Variants in EHD3 observed in about 807,000 individuals in gnomAD.
EHD3 encodes the protein EH domain-containing protein 3.
A neutral mutation model predicts 43.0 loss-of-function variants in EHD3; 17 were observed. That is an observed-to-expected ratio of 0.40 (90% CI 0.27 to 0.59). EHD3 has a LOEUF of 0.59. Ranked by LOEUF, EHD3 falls within the 20% of genes least tolerant of loss-of-function variation. The pLI is 0.49. For missense variants in EHD3, 594 were observed against 705.6 expected, an observed-to-expected ratio of 0.84 and a Z score of 1.79; for synonymous variants, 313 against 289.5, an observed-to-expected ratio of 1.08 and a Z score of -0.82.
chr2:31,237,991 GT>G (rs989506268), intron 1 of EHD3, among the ~76,000 whole-genome samples: 1 of 151,442 alleles, frequency 6.6e-6, no homozygotes, highest in African/African-American at 2.4e-5. Context: ...GTGTGTGTGT[GT>G]TTTTTTTGTT....
chr2:31,250,407 C>T (rs1683613139), intron 3 of EHD3, among the ~76,000 whole-genome samples: 1 of 151,908 alleles, frequency 6.6e-6, no homozygotes, highest in Non-Finnish European at 1.5e-5. Flanking sequence ...GCTGGGATTA[C>T]AGGCGTGCAC....
At chr2:31,243,549 C>T (rs560619452) in intron 1 of EHD3, among the ~76,000 whole-genome samples, 7 of 149,160 alleles carry the variant, frequency 4.7e-5, no homozygotes, top group South Asian at 2.2e-4. Context: ...CTCTGCCTCC[C>T]GGGTTCAAAT....
intron 3 of EHD3, among the ~76,000 whole-genome samples, chr2:31,255,525 G>A (rs1012838390): frequency 6.6e-6 from 1 of 152,182 alleles, no homozygotes; most frequent in East Asian, 1.9e-4. Flanking sequence ...AAATGAGAAA[G>A]CTAATCCTAT....
intron 2 of EHD3, among the ~76,000 whole-genome samples, chr2:31,247,284 A>T (rs1683545992): frequency 6.6e-6 from 1 of 151,964 alleles, no homozygotes; most frequent in African/African-American, 2.4e-5. Flanking sequence ...GCCTTGCTGG[A>T]CCATGTTTTG....
chr2:31,235,239 A>G (rs1316158312), intron 1 of EHD3, among the ~76,000 whole-genome samples: 4 of 152,088 alleles, frequency 2.6e-5, no homozygotes, highest in African/African-American at 9.7e-5. Context: ...CACATCATTC[A>G]CGGGCAAAAC....
intron 5 of EHD3, among the ~76,000 whole-genome samples, chr2:31,265,256 A>C (rs369972824): frequency 3.3e-5 from 5 of 152,376 alleles, no homozygotes; most frequent in African/African-American, 1.2e-4. Flanking sequence ...TATTTACATA[A>C]ACCAGTAACA....
chr2:31,251,811 T>A (rs1683641206), intron 3 of EHD3, among the ~76,000 whole-genome samples: 1 of 151,956 alleles, frequency 6.6e-6, no homozygotes, highest in African/African-American at 2.4e-5. Context: ...ACAGCACGGG[T>A]GGTTTTTCTG....
At chr2:31,265,860 C>T (rs1427783869) in intron 5 of EHD3, among the ~76,000 whole-genome samples, 1 of 152,170 alleles carries the variant, frequency 6.6e-6, no homozygotes, top group Non-Finnish European at 1.5e-5. Context: ...GATTTCCTCT[C>T]TGGAATGACA....
At chr2:31,261,220 C>A (rs1683848538) in intron 4 of EHD3, among the ~76,000 whole-genome samples, 1 of 152,168 alleles carries the variant, frequency 6.6e-6, no homozygotes. Context: ...AATAAAGAGT[C>A]TCAAAGCCCT....
chr2:31,249,584 C>T, intron 3 of EHD3, 116 bp downstream of exon 3: 1 of 908,614 alleles, frequency 1.1e-6, no homozygotes, highest in East Asian at 2.6e-5. Context: ...TGAGCCGGCA[C>T]TTCTCCTGTG....
chr2:31,259,061 T>G (rs1683801449), intron 3 of EHD3, among the ~76,000 whole-genome samples: 2 of 152,130 alleles, frequency 1.3e-5, no homozygotes, highest in Admixed American at 1.3e-4. Context: ...AATGATTTGG[T>G]TTCCCATTCG....
intron 3 of EHD3, among the ~76,000 whole-genome samples, chr2:31,256,448 G>C (rs753401065): frequency 6.6e-5 from 10 of 152,146 alleles, no homozygotes; most frequent in Non-Finnish European, 1.3e-4. Context: ...TTTCACTTCC[G>C]TTCAGCAAAT....
intron 3 of EHD3, among the ~76,000 whole-genome samples, chr2:31,257,217 C>A (rs1683767530): frequency 6.6e-6 from 1 of 152,210 alleles, no homozygotes; most frequent in Non-Finnish European, 1.5e-5. Flanking sequence ...GCCCTCTGGC[C>A]CCTCCCTACC....
At chr2:31,250,487 C>T (rs1217506397) in intron 3 of EHD3, among the ~76,000 whole-genome samples, 1 of 152,074 alleles carries the variant, frequency 6.6e-6, no homozygotes, top group East Asian at 1.9e-4. Context: ...AGAATGGTCT[C>T]GATCTCCTGA....
Position 31,266,131 on chromosome 2 carries a change from T to G in EHD3, c.1081-46T>G, listed in dbSNP as rs769068487. ...GAGGCACGTGATAAATGGAGGGCTC[T>G]CCTTTCATCGTATCCTATCTTCATC... On this transcript the variant is annotated intron_variant, in intron 5 of 5. Coordinates refer to ENST00000322054, the MANE Select transcript of EHD3 (RefSeq NM_014600.3). This position sits in a 1 kb window ranked among gnomAD's most constrained non-coding sequence, Gnocchi z 5.1. 9 of 1,555,414 alleles carry G rather than the reference T, an allele frequency of 5.8e-6. No homozygotes were observed. In the South Asian group the frequency reaches 7.4e-5, roughly 13 times the overall value.
intron 3 of EHD3, among the ~76,000 whole-genome samples, chr2:31,252,910 CAA>C (rs1170186482): frequency 2.0e-5 from 3 of 152,278 alleles, no homozygotes; most frequent in South Asian, 4.1e-4. Context: ...GCGTTAAAAA[CAA>C]GAGCTAGAAC....
intron 3 of EHD3, 107 bp downstream of exon 3, chr2:31,249,575 GAGCCGGCA>G (rs1184385185): frequency 1.0e-6 from 1 of 983,030 alleles, no homozygotes; most frequent in African/African-American, 1.6e-5. Context: ...GTCCCTTGGT[GAGCCGGCA>G]CTTCTCCTGT....
At chr2:31,253,209 T>C (rs1400048438) in intron 3 of EHD3, among the ~76,000 whole-genome samples, 5 of 118,312 alleles carry the variant, frequency 4.2e-5, no homozygotes, top group African/African-American at 1.0e-4. Flanking sequence ...ATATCCTGCA[T>C]ATACACAACT....
rs1309146980 is a variant in EHD3 at position 31,243,460 on chromosome 2, CT to C, written c.228-801del. On this transcript the variant is annotated intron_variant, in intron 1 of 5. Coordinates refer to ENST00000322054, the MANE Select transcript of EHD3 (RefSeq NM_014600.3). ...TCTTTCTTTCTTTCTTTCTTTCTTTCTTTTTTTTTTTTTGAGACAGAGTTTC... is the reference window on the plus strand; with the variant it reads ...TCTTTCTTTCTTTCTTTCTTTCTTTCTTTTTTTTTTTTGAGACAGAGTTTC... Among the ~76,000 whole-genome samples, 41 of 98,464 alleles carry C rather than the reference CT, an allele frequency of 4.2e-4. 2 individuals carry two copies. The highest frequency in any genetic ancestry group is 1.1e-3 in the African/African-American group (24 of 21,832). 64.6% of individuals were successfully genotyped at this position (98,464 alleles called of 152,430 possible). A position where few individuals can be genotyped will look rare whatever the true frequency, so the allele number is the denominator to read the frequency against.
Sources: gnomAD v4.1 joint callset for allele counts (sites outside exome capture counted in the v4.1 genomes callset) on GRCh38, gnomAD v4.1.1 for gene constraint, Gnocchi (gnomAD v3.1) non-coding constraint, MANE v1.5 for transcripts, NCBI Gene and HGNC (gene_info 2026-07-23, HGNC 2026-07-21) for gene names.